Variants in RBFOX1 observed in about 807,000 individuals in gnomAD.
The protein encoded by RBFOX1 is RNA binding fox-1 homolog 1, also known as RNA binding protein fox-1 homolog 1.
RBFOX1 carries 8 observed loss-of-function variants against 57.7 expected under a neutral mutation model. The observed-to-expected ratio is 0.14, with a 90% CI of 0.08 to 0.25. RBFOX1 has a LOEUF of 0.25. RBFOX1 is among the 10% of genes least tolerant of loss of function. RBFOX1 has a pLI of 1.00. For missense variants in RBFOX1, 611 were observed against 548.5 expected, an observed-to-expected ratio of 1.11 and a Z score of -1.14; for synonymous variants, 326 against 222.4, an observed-to-expected ratio of 1.47 and a Z score of -4.15.
intron 3 of RBFOX1, among the ~76,000 whole-genome samples, chr16:6,880,832 G>T (rs531112704): frequency 1.3e-5 from 2 of 152,312 alleles, no homozygotes; most frequent in East Asian, 3.9e-4. Flanking sequence ...ATATAAATGT[G>T]TTGGAATTGC....
chr16:7,697,517 A>C (rs1483425521), intron 14 of RBFOX1, among the ~76,000 whole-genome samples: 1 of 21,178 alleles, frequency 4.7e-5, no homozygotes, highest in Non-Finnish European at 1.2e-4. Flanking sequence ...ATATACATAC[A>C]TGCATGTATA....
chr16:5,245,208 A>C (rs186309647), intron 1 of RBFOX1, among the ~76,000 whole-genome samples: 209 of 152,196 alleles, frequency 1.4e-3, no homozygotes, highest in African/African-American at 4.8e-3. Context: ...GGTTTGGGGA[A>C]TGTTCATGGG....
intron 4 of RBFOX1, among the ~76,000 whole-genome samples, chr16:5,951,327 A>G (rs1342806294): frequency 1.3e-5 from 2 of 152,066 alleles, no homozygotes; most frequent in African/African-American, 4.8e-5. Context: ...GTGTGCCTGT[A>G]GTCCCAGCTA....
chr16:6,733,674 C>T (rs143476486), intron 3 of RBFOX1, among the ~76,000 whole-genome samples: 4,087 of 152,196 alleles, frequency 0.027, 171 homozygotes, highest in African/African-American at 0.089. Context: ...GGGCAGGTCG[C>T]ATGAGCCCAG....
At chr16:6,930,037 C>G (rs371515861) in intron 3 of RBFOX1, among the ~76,000 whole-genome samples, 1 of 152,174 alleles carries the variant, frequency 6.6e-6, no homozygotes, top group Non-Finnish European at 1.5e-5. Flanking sequence ...CACATCCTTG[C>G]TTATCCCCTC....
intron 1 of RBFOX1, among the ~76,000 whole-genome samples, chr16:5,369,606 C>T (rs987009075): frequency 6.6e-6 from 1 of 152,210 alleles, no homozygotes; most frequent in Non-Finnish European, 1.5e-5. Flanking sequence ...TCCTGAGCAG[C>T]GGTCGAGCTG....
At chr16:6,509,570 T>C (rs1286587743) in intron 2 of RBFOX1, among the ~76,000 whole-genome samples, 4 of 152,136 alleles carry the variant, frequency 2.6e-5, no homozygotes, top group Non-Finnish European at 5.9e-5. Context: ...ATGGGGCTGG[T>C]TCATGGGAAC....
At chr16:6,430,839 A>C (rs114207757) in intron 2 of RBFOX1, among the ~76,000 whole-genome samples, 2 of 152,090 alleles carry the variant, frequency 1.3e-5, no homozygotes, top group East Asian at 3.9e-4. Flanking sequence ...ACTAGTCAAG[A>C]AGTTACTGTG....
intron 3 of RBFOX1, among the ~76,000 whole-genome samples, chr16:5,675,260 A>C (rs976643212): frequency 2.6e-5 from 4 of 152,198 alleles, no homozygotes; most frequent in Admixed American, 6.5e-5. Flanking sequence ...ACACATAGAA[A>C]GAGAGTGAAA....
At chr16:6,587,024 G>A in intron 2 of RBFOX1, among the ~76,000 whole-genome samples, 1 of 152,200 alleles carries the variant, frequency 6.6e-6, no homozygotes, top group African/African-American at 2.4e-5. Context: ...GTGTGTGTGT[G>A]TGTGTTGAGA....
intron 3 of RBFOX1, among the ~76,000 whole-genome samples, chr16:6,871,416 G>C (rs1410386906): frequency 1.3e-5 from 2 of 152,032 alleles, no homozygotes; most frequent in Non-Finnish European, 2.9e-5. Flanking sequence ...AAACTCCTGA[G>C]GTCAAATGAT....
chr16:6,716,658 A>C (rs1568332852), intron 3 of RBFOX1, among the ~76,000 whole-genome samples: 2 of 152,062 alleles, frequency 1.3e-5, no homozygotes, highest in Non-Finnish European at 1.5e-5. Context: ...TCTGCCCATG[A>C]CTCAGTCTTG....
chr16:7,217,292 C>CTTCTT (rs2092266887), intron 4 of RBFOX1, among the ~76,000 whole-genome samples: 3 of 104,080 alleles, frequency 2.9e-5, no homozygotes, highest in African/African-American at 1.2e-4. Flanking sequence ...TCTTATTCTT[C>CTTCTT]TTTTTTTTTT....
At chr16:5,846,772 G>A (rs1320255303) in intron 3 of RBFOX1, among the ~76,000 whole-genome samples, 9 of 152,206 alleles carry the variant, frequency 5.9e-5, no homozygotes, top group Non-Finnish European at 8.8e-5. Context: ...GGGTGGATGT[G>A]AAGGACCACA....
rs181695211 is a variant in RBFOX1, at chr16:5,427,001, G to C, written c.220-40215G>C. Among the ~76,000 whole-genome samples, 171 of 152,238 alleles carry C rather than the reference G, an allele frequency of 1.1e-3. 1 individual carries two copies. Among genetic ancestry groups the C allele is most frequent in the African/African-American group, 3.9e-3 (164 of 41,532 alleles). On this transcript the variant is annotated intron_variant, in intron 1 of 2. Transcript: ENST00000585867. ...ATATCGGCTTCCAGCTGAGTGTAGG[G>C]CCCTCAGCACCCAGCTCCTTTCATG...
intron 3 of RBFOX1, among the ~76,000 whole-genome samples, chr16:7,026,859 C>T (rs1049201460): frequency 4.6e-5 from 7 of 152,228 alleles, no homozygotes; most frequent in Admixed American, 2.0e-4. Context: ...CTTGCTGTAT[C>T]TCCTAGTTGC....
At chr16:6,807,769 T>G (rs950695034) in intron 3 of RBFOX1, among the ~76,000 whole-genome samples, 1 of 152,076 alleles carries the variant, frequency 6.6e-6, no homozygotes, top group South Asian at 2.1e-4. Context: ...TGAGCTAAGA[T>G]TGTGTCACTG....
rs896373812 is a variant in RBFOX1, at chr16:6,495,239, C to G, written c.-63-159364C>G. Reference sequence around the variant, plus strand: ...ATTCAAGCGATTCTTTTGCCGCAGCCTCCTGAATTGCTGGGATTATAGGTG... The same window carrying G: ...ATTCAAGCGATTCTTTTGCCGCAGCGTCCTGAATTGCTGGGATTATAGGTG... On this transcript the variant is annotated intron_variant, in intron 2 of 15. Coordinates refer to ENST00000550418, the MANE Select transcript of RBFOX1 (RefSeq NM_018723.4). 3.3e-5 allele frequency among the ~76,000 whole-genome samples: 5 copies of G among 152,170 alleles called. No homozygotes were observed. In the East Asian group the frequency reaches 9.6e-4, roughly 29 times the overall value.
intron 1 of RBFOX1, among the ~76,000 whole-genome samples, chr16:5,386,449 A>G (rs1420676286): frequency 6.6e-6 from 1 of 152,146 alleles, no homozygotes. Flanking sequence ...CTAGTGCTCC[A>G]GCATAGAAGC....
Sources: gnomAD v4.1 joint callset for allele counts (sites outside exome capture counted in the v4.1 genomes callset) on GRCh38, gnomAD v4.1.1 for gene constraint, MANE v1.5 for transcripts, NCBI Gene and HGNC (gene_info 2026-07-23, HGNC 2026-07-21) for gene names.